The following MS4A5 variants were observed in gnomAD, a reference collection of about 807,000 sequenced individuals.
MS4A5 encodes membrane spanning 4-domains A5.
MS4A5 carries 15 observed loss-of-function variants against 18.2 expected under a neutral mutation model. The observed-to-expected ratio is 0.83, with a 90% confidence interval of 0.55 to 1.27. The LOEUF is 1.27. Ranked by LOEUF, MS4A5 falls within the 50% of genes most tolerant of loss-of-function variation. The pLI is 0.00. For missense variants in MS4A5, 232 were observed against 225.7 expected (o/e 1.03, Z -0.18); for synonymous variants, 89 against 78.7 (o/e 1.13, Z -0.69).
intron 2 of MS4A5, among the ~76,000 whole-genome samples, chr11:60,431,195 C>G (rs555549299): frequency 6.6e-6 from 1 of 152,228 alleles, no homozygotes; most frequent in South Asian, 2.1e-4. Flanking sequence ...TTATTATAAG[C>G]CAGATACACA....
intron 4 of MS4A5, among the ~76,000 whole-genome samples, chr11:60,438,753 A>G (rs2135175984): frequency 6.7e-6 from 1 of 150,030 alleles, no homozygotes; most frequent in African/African-American, 2.5e-5. Context: ...ATAGACCAAT[A>G]ACAGGAGCTG....
Position 60,441,904 on chromosome 11 carries a change from T to C in MS4A5, c.493-5745T>C, listed in dbSNP as rs151287425. On this transcript the variant is annotated intron_variant, in intron 4 of 4. Coordinates refer to ENST00000300190, the MANE Select transcript of MS4A5 (RefSeq NM_023945.3). ...ACGTATAATAGGGGACTTTCTATAA[T>C]AAAAGGGTCGATTCACAAGAGAAAT... is the stretch of plus-strand genomic sequence containing the variant. Among the ~76,000 whole-genome samples the C allele has an allele frequency of 5.2e-3, 797 of 152,242 alleles. 7 individuals are homozygous for C. Among genetic ancestry groups the C allele is most frequent in the African/African-American group, 0.018 (767 of 41,542 alleles).
chr11:60,430,314 A>T (rs1057141943), intron 1 of MS4A5, among the ~76,000 whole-genome samples: 2 of 151,988 alleles, frequency 1.3e-5, no homozygotes, highest in African/African-American at 4.8e-5. Flanking sequence ...GAGTGTGACA[A>T]TACCTCAAGA....
At chr11:60,443,560 T>G (rs938209310) in intron 4 of MS4A5, among the ~76,000 whole-genome samples, 5 of 151,668 alleles carry the variant, frequency 3.3e-5, no homozygotes, top group Non-Finnish European at 5.9e-5. Flanking sequence ...ACCAAGAAAT[T>G]AGATTAAAAA....
intron 4 of MS4A5, chr11:60,435,308 A>G (rs1367047591): frequency 2.4e-6 from 1 of 412,922 alleles, no homozygotes; most frequent in Non-Finnish European, 4.6e-6. Flanking sequence ...ATAACAACTA[A>G]TAGAAACAGA....
intron 1 of MS4A5, among the ~76,000 whole-genome samples, chr11:60,430,175 T>C (rs2086040554): frequency 6.6e-6 from 1 of 152,180 alleles, no homozygotes; most frequent in Non-Finnish European, 1.5e-5. Flanking sequence ...TTTTTGTATA[T>C]TGTCCTCATT....
At chr11:60,431,543 G>T (rs2086048582) in intron 2 of MS4A5, among the ~76,000 whole-genome samples, 1 of 152,222 alleles carries the variant, frequency 6.6e-6, no homozygotes, top group Non-Finnish European at 1.5e-5. Context: ...TGAGTGAGGA[G>T]TCAGACAATT....
chr11:60,440,252 T>A (rs1442016002), intron 4 of MS4A5, among the ~76,000 whole-genome samples: 1 of 103,128 alleles, frequency 9.7e-6, no homozygotes, highest in East Asian at 2.4e-4. Context: ...GATCCCTTCC[T>A]TACACCTTAT....
intron 4 of MS4A5, among the ~76,000 whole-genome samples, chr11:60,435,165 C>A (rs1205706142): frequency 6.6e-6 from 1 of 152,046 alleles, no homozygotes; most frequent in Non-Finnish European, 1.5e-5. Context: ...GCCCCTGGTA[C>A]CTGGCAGAAG....
In MS4A5 at chr11:60,429,696, A is replaced by G. The variant is rs775201879; in HGVS notation, c.22A>G (p.Ser8Gly). The change falls in exon 1 of 5, where the codon AGT becomes GGT. Residue 8 changes from serine to glycine, a missense_variant. By Grantham distance (56) the Ser-to-Gly change is moderately conservative (BLOSUM62 0). Transcript: ENST00000300190. MDSSTAHSPVFLVFPPEI... is the reference protein window; with the variant it reads MDSSTAHGPVFLVFPPEI... ...CATCATGGATTCAAGCACCGCACAC[A>G]GTCCGGTGTTTCTGGTATTTCCTCC... 2.5e-6 allele frequency: 4 copies of G among 1,613,124 alleles called. No individual in the cohort carries two copies. Among genetic ancestry groups the G allele is most frequent in the Non-Finnish European group, 3.4e-6 (4 of 1,179,756 alleles).
chr11:60,445,169 AG>A (rs2086132498), intron 4 of MS4A5, among the ~76,000 whole-genome samples: 1 of 152,158 alleles, frequency 6.6e-6, no homozygotes, highest in South Asian at 2.1e-4. Flanking sequence ...ATAGGGTGGG[AG>A]GATTGATTGG....
chr11:60,434,169 T>C (rs2086066461), intron 4 of MS4A5, among the ~76,000 whole-genome samples: 1 of 151,080 alleles, frequency 6.6e-6, no homozygotes, highest in African/African-American at 2.5e-5. Flanking sequence ...ATCAGTATGA[T>C]ACAAATATAA....
At chr11:60,434,012 A>G in intron 4 of MS4A5, 95 bp downstream of exon 4, 1 of 1,087,778 alleles carries the variant, frequency 9.2e-7, no homozygotes, top group Non-Finnish European at 1.3e-6. Context: ...TGTTGTGGAC[A>G]CATGTATTTT....
At chr11:60,435,698 C>T (rs1022228713) in intron 4 of MS4A5, among the ~76,000 whole-genome samples, 2 of 152,098 alleles carry the variant, frequency 1.3e-5, no homozygotes, top group African/African-American at 2.4e-5. Context: ...CGGGTCACTC[C>T]CACCCGAATA....
In MS4A5 at chr11:60,433,934, T is replaced by A; in HGVS notation, c.492+17T>A. The stretch of plus-strand genomic sequence containing the variant: ...CTGTTCTTGGTAAGTATGTTGCATT[T>A]ATAGAGTGATGAGTAAAGGGCTTAA... On this transcript the variant is annotated intron_variant, in intron 4 of 4. Coordinates refer to ENST00000300190, the MANE Select transcript of MS4A5 (RefSeq NM_023945.3). The A allele has an allele frequency of 1.2e-6, 2 of 1,610,884 alleles. No homozygotes were observed. Among genetic ancestry groups the A allele is most frequent in the Non-Finnish European group, 1.7e-6 (2 of 1,177,402 alleles).
In MS4A5 at chr11:60,441,068, AT is replaced by A. The variant is rs1405174087; in HGVS notation, c.493-6580del. On this transcript the variant is annotated intron_variant, in intron 4 of 4. Coordinates refer to ENST00000300190, the MANE Select transcript of MS4A5 (RefSeq NM_023945.3). ...ATAGGCTGGATTAAGAAAATGTGGCATATATACACCATGGAATACTATGCAG... is the reference window on the plus strand; with the variant it reads ...ATAGGCTGGATTAAGAAAATGTGGCAATATACACCATGGAATACTATGCAG... Among the ~76,000 whole-genome samples, 6 of 50,850 alleles carry A rather than the reference AT, an allele frequency of 1.2e-4. 1 individual carries two copies. The highest frequency in any genetic ancestry group is 5.6e-3 in the Middle Eastern group (1 of 178). The allele number at this position is 50,850 out of a possible 152,430, so 33.4% of individuals were successfully genotyped here. A position where few individuals can be genotyped will look rare whatever the true frequency, so the allele number is the denominator to read the frequency against.
At chr11:60,433,941 T>G in intron 4 of MS4A5, 24 bp downstream of exon 4, 1 of 1,607,534 alleles carries the variant, frequency 6.2e-7, no homozygotes, top group Non-Finnish European at 8.5e-7. Flanking sequence ...ATTTATAGAG[T>G]GATGAGTAAA....
At chr11:60,438,471 T>C (rs1015288919) in intron 4 of MS4A5, among the ~76,000 whole-genome samples, 37 of 151,926 alleles carry the variant, frequency 2.4e-4, no homozygotes, top group African/African-American at 8.7e-4. Context: ...TTCAAAAAAT[T>C]AATGAATCCA....
chr11:60,437,884 G>T (rs1406493534), intron 4 of MS4A5, among the ~76,000 whole-genome samples: 1 of 150,950 alleles, frequency 6.6e-6, no homozygotes, highest in African/African-American at 2.4e-5. Context: ...AGTCAACAAG[G>T]ATACCCAGGA....
Sources: allele counts gnomAD v4.1 joint callset (sites outside exome capture counted in the v4.1 genomes callset), GRCh38; gene constraint gnomAD v4.1.1; transcripts MANE v1.5; gene names NCBI Gene and HGNC (gene_info 2026-07-23, HGNC 2026-07-21).